The following INTS4 variants were observed in gnomAD, a reference collection of about 807,000 sequenced individuals.
INTS4 encodes the protein integrator complex subunit 4.
In INTS4, 70 loss-of-function variants were observed where a neutral mutation model predicts 119.5. The observed-to-expected ratio is 0.59, with a 90% confidence interval of 0.48 to 0.71. The LOEUF is 0.71. INTS4 is among the 30% of genes least tolerant of loss of function. The pLI, the probability that INTS4 is intolerant of heterozygous loss-of-function variation, is 0.00. For synonymous variants in INTS4, 316 were observed against 419.6 expected, an observed-to-expected ratio of 0.75 and a Z score of 3.02; for missense variants, 867 against 1,173.2, an observed-to-expected ratio of 0.74 and a Z score of 3.81.
chr11:77,949,032 C>G (rs1478786307), intron 8 of INTS4, among the ~76,000 whole-genome samples: 3 of 151,962 alleles, frequency 2.0e-5, no homozygotes, highest in Non-Finnish European at 4.4e-5. Context: ...GCTGGAGTCC[C>G]CAGGAGTTTG....
chr11:77,895,717 T>C (rs1166321808), intron 18 of INTS4, among the ~76,000 whole-genome samples: 2 of 152,016 alleles, frequency 1.3e-5, no homozygotes, highest in Non-Finnish European at 2.9e-5. Flanking sequence ...AGCAGTGACA[T>C]TTCCTCATTT....
Position 77,956,064 on chromosome 11 carries a change from T to C in INTS4, c.798-2A>G. 1 of 1,588,368 alleles carries C rather than the reference T, an allele frequency of 6.3e-7. No individual in the cohort carries two copies. The highest frequency in any genetic ancestry group is 8.5e-7 in the Non-Finnish European group (1 of 1,173,110). ...TTAGAAGAAGGAATTGGGACAATGC[T>C]AAATTAAAAGAAAAGAAATGAAATC... On this transcript the variant is annotated splice_acceptor_variant, in intron 7 of 22. Coordinates refer to ENST00000534064, the MANE Select transcript of INTS4 (RefSeq NM_033547.4). LOFTEE classifies it high-confidence loss of function.
At chr11:77,922,585 T>C (rs1351762522) in intron 12 of INTS4, 114 bp from the exon 13 acceptor site, 4 of 717,376 alleles carry the variant, frequency 5.6e-6, no homozygotes, top group Non-Finnish European at 9.3e-6. Context: ...CTCAACCATA[T>C]ACTTTTGCTA....
At chr11:77,927,584 A>G (rs1413119986) in intron 11 of INTS4, among the ~76,000 whole-genome samples, 1 of 152,144 alleles carries the variant, frequency 6.6e-6, no homozygotes, top group African/African-American at 2.4e-5. Context: ...AACCACCTAG[A>G]GCTGTATGGC....
chr11:77,910,953 T>C, intron 15 of INTS4: 1 of 1,258,358 alleles, frequency 7.9e-7, no homozygotes, highest in Non-Finnish European at 1.0e-6. Context: ...TGAATAGAAA[T>C]GGAAACTGTG....
At chr11:77,948,198 CA>C (rs1954094251) in intron 8 of INTS4, among the ~76,000 whole-genome samples, 1 of 152,080 alleles carries the variant, frequency 6.6e-6, no homozygotes. Flanking sequence ...AGCAGATACA[CA>C]AACAAGAAAG....
At chr11:77,960,494 A>C (rs1954441794) in intron 5 of INTS4, 103 bp from the exon 6 acceptor site, 1 of 878,326 alleles carries the variant, frequency 1.1e-6, no homozygotes, top group Non-Finnish European at 1.8e-6. Flanking sequence ...TCAGGCTAAC[A>C]TGGTTCCTTT....
chr11:77,928,293 A>G (rs1565250967), intron 11 of INTS4, 49 bp downstream of exon 11: 15 of 1,573,476 alleles, frequency 9.5e-6, no homozygotes, highest in Middle Eastern at 1.7e-4. Context: ...TGATTTTAAC[A>G]GGGGGGGGTG....
chr11:77,885,567 C>A (rs929022914), intron 21 of INTS4, among the ~76,000 whole-genome samples: 6 of 151,846 alleles, frequency 4.0e-5, no homozygotes, highest in African/African-American at 1.5e-4. Flanking sequence ...ACCTGTAATC[C>A]CAGCACTTTG....
rs565511467 is a variant in INTS4, at chr11:77,924,983, C to T, written c.1372-91G>A. 75 of 929,052 alleles carry T rather than the reference C, an allele frequency of 8.1e-5. No homozygotes were observed. In the African/African-American group the frequency reaches 1.1e-3, roughly 14 times the overall value. 57.6% of individuals were successfully genotyped at this position (929,052 alleles called of 1,614,324 possible). Reference sequence around the variant, plus strand: ...ATCCCCTTCTACCCAGCCACCTTCCCATCTAGGGTGGCCATGTAACAAAGT... The same window carrying T: ...ATCCCCTTCTACCCAGCCACCTTCCTATCTAGGGTGGCCATGTAACAAAGT... On this transcript the variant is annotated intron_variant, in intron 11 of 22. Transcript: ENST00000534064.
chr11:77,950,626 G>A (rs1488855421), intron 8 of INTS4, among the ~76,000 whole-genome samples: 1 of 152,124 alleles, frequency 6.6e-6, no homozygotes, highest in Non-Finnish European at 1.5e-5. Context: ...TGTATGAGGT[G>A]ATAACTATAC....
At position 77,883,738 on chromosome 11, in the gene INTS4, T is replaced by C. The variant is rs1466586258; in HGVS notation, c.2713+94A>G. 11 of 1,301,356 alleles carry C rather than the reference T, an allele frequency of 8.5e-6. No individual in the cohort carries two copies. The South Asian group carries it at 1.2e-4, about 14-fold the overall frequency. 80.6% of individuals were successfully genotyped at this position (1,301,356 alleles called of 1,614,324 possible). The stretch of plus-strand genomic sequence containing the variant: ...ATTCTTACAAGGCCTGATTCATCCA[T>C]GTATTTTTTTCAAACTTTAAAAACC... On this transcript the variant is annotated intron_variant, in intron 22 of 22. Transcript: ENST00000534064.
At chr11:77,900,931 T>C in intron 18 of INTS4, 1 of 407,984 alleles carries the variant, frequency 2.5e-6, no homozygotes, top group South Asian at 3.5e-5. Flanking sequence ...ATTTTCATTT[T>C]GTACAGGGAA....
chr11:77,940,463 G>T (rs558370409), intron 9 of INTS4, among the ~76,000 whole-genome samples: 1 of 151,988 alleles, frequency 6.6e-6, no homozygotes, highest in South Asian at 2.1e-4. Flanking sequence ...CGTGGGGTTG[G>T]GGGTATTTTG....
At chr11:77,908,059 T>TC (rs397753595) in intron 15 of INTS4, among the ~76,000 whole-genome samples, 1 of 125,480 alleles carries the variant, frequency 8.0e-6, no homozygotes, top group African/African-American at 3.1e-5. Flanking sequence ...GTAAAATGTT[T>TC]GATTCATAGC....
chr11:77,975,193 A>G (rs1855896619), intron 4 of INTS4, among the ~76,000 whole-genome samples: 1 of 151,772 alleles, frequency 6.6e-6, no homozygotes, highest in Non-Finnish European at 1.5e-5. Flanking sequence ...TACTGATTTT[A>G]GATCCTTATT....
chr11:77,885,297 G>C (rs560412909), intron 21 of INTS4, among the ~76,000 whole-genome samples: 1 of 151,576 alleles, frequency 6.6e-6, no homozygotes, highest in African/African-American at 2.4e-5. Context: ...GGTTGGTCTC[G>C]AACTCCTGAC....
chr11:77,892,001 T>G (rs1179239730), intron 19 of INTS4, among the ~76,000 whole-genome samples, 161 bp from the exon 20 acceptor site: 2 of 152,172 alleles, frequency 1.3e-5, no homozygotes, highest in Non-Finnish European at 2.9e-5. Context: ...CAATCATGCC[T>G]CAGTCACATG....
intron 12 of INTS4, chr11:77,922,898 C>T (rs1359005211): frequency 1.7e-5 from 4 of 228,994 alleles, no homozygotes; most frequent in African/African-American, 2.4e-5. Context: ...CAATGGAGCA[C>T]GAGAGTATGC....
Sources: gnomAD v4.1 joint callset for allele counts (sites outside exome capture counted in the v4.1 genomes callset) on GRCh38, gnomAD v4.1.1 for gene constraint, MANE v1.5 for transcripts, NCBI Gene and HGNC (gene_info 2026-07-23, HGNC 2026-07-21) for gene names.